MCF2L: variants seen among roughly 807,000 people sequenced by gnomAD.
MCF2L encodes MCF.2 cell line derived transforming sequence like, also known as guanine nucleotide exchange factor DBS.
In MCF2L, 97 loss-of-function variants were observed where a neutral mutation model predicts 153.4. The observed-to-expected ratio is 0.63, with a 90% CI of 0.54 to 0.75. The LOEUF is 0.75. MCF2L is among the 30% of genes least tolerant of loss of function. MCF2L has a pLI of 0.00. For missense variants in MCF2L, 1,347 were observed against 1,495.2 expected, an observed-to-expected ratio of 0.90 and a Z score of 1.64; for synonymous variants, 659 against 632.2, an observed-to-expected ratio of 1.04 and a Z score of -0.64.
At chr13:112,914,900 A>T (rs2081274963) in intron 2 of MCF2L, among the ~76,000 whole-genome samples, 1 of 151,452 alleles carries the variant, frequency 6.6e-6, no homozygotes, top group African/African-American at 2.4e-5. Flanking sequence ...CACTTAAAAT[A>T]TGTAGTTGAA....
Position 113,089,726 on chromosome 13 carries a change from A to C in MCF2L, c.2951A>C (p.Lys984Thr). The C allele has an allele frequency of 6.2e-7, 1 of 1,613,430 alleles. No homozygotes were observed. Among genetic ancestry groups the C allele is most frequent in the Non-Finnish European group, 8.5e-7 (1 of 1,179,666 alleles). ...APLTKPPEKG[K>T]GWSKTSHSLE... Reference sequence around the variant, plus strand: ...CTGACAAAGCCCCCCGAAAAGGGCAAAGGTGGGTATGTGCAGGGACCGGGC... The same window carrying C: ...CTGACAAAGCCCCCCGAAAAGGGCACAGGTGGGTATGTGCAGGGACCGGGC... Residue 984 changes from lysine (K) to threonine (T), a missense_variant and splice_region_variant, in exon 26 of 30, where the codon AAA becomes ACA. Around this residue, in one of 3 missense-constraint regions of MCF2L, gnomAD observed 383 missense variants for 335.4 expected, o/e 1.14. Transcript: ENST00000535094.
chr13:113,059,591 A>G (rs4907581), intron 4 of MCF2L, among the ~76,000 whole-genome samples: 116,830 of 152,206 alleles, frequency 0.77, 45,288 homozygotes, highest in African/African-American at 0.82. Context: ...GAGAGCAACC[A>G]TCACTGCACG....
chr13:113,050,685 CT>C (rs2087201776), intron 4 of MCF2L, among the ~76,000 whole-genome samples: 1 of 60,470 alleles, frequency 1.7e-5, no homozygotes, highest in African/African-American at 8.7e-5. Flanking sequence ...GGGGGGGTGG[CT>C]GGGGGAGCGG....
At chr13:112,918,864 G>A (rs1330877774) in intron 2 of MCF2L, among the ~76,000 whole-genome samples, 1 of 152,148 alleles carries the variant, frequency 6.6e-6, no homozygotes, top group African/African-American at 2.4e-5. Flanking sequence ...TCCCAGTGCA[G>A]GAGCTGAGGC....
intron 2 of MCF2L, among the ~76,000 whole-genome samples, chr13:112,925,090 G>A (rs1316305644): frequency 6.6e-6 from 1 of 152,200 alleles, no homozygotes; most frequent in Non-Finnish European, 1.5e-5. Context: ...AGATGGACCT[G>A]TGATTTAAAT....
chr13:113,087,971 T>C (rs1462442642), intron 23 of MCF2L, among the ~76,000 whole-genome samples, 172 bp downstream of exon 23: 2 of 152,170 alleles, frequency 1.3e-5, no homozygotes, highest in Non-Finnish European at 2.9e-5. Context: ...GAATGAAATG[T>C]GGGGAAAAGT....
At chr13:112,913,988 G>A (rs1020347867) in intron 2 of MCF2L, among the ~76,000 whole-genome samples, 17 of 152,232 alleles carry the variant, frequency 1.1e-4, no homozygotes, top group Non-Finnish European at 1.6e-4. Flanking sequence ...ACTCCTTAGC[G>A]TTGCGTTGGG....
chr13:112,917,021 C>T (rs141546261), intron 2 of MCF2L: 66 of 466,860 alleles, frequency 1.4e-4, no homozygotes, highest in Admixed American at 4.5e-4. Flanking sequence ...CCTCCCTCAT[C>T]GCCAAGTCTG....
intron 2 of MCF2L, chr13:112,917,527 G>A (rs1231634851): frequency 3.5e-6 from 1 of 289,066 alleles, no homozygotes; most frequent in Non-Finnish European, 6.8e-6. Context: ...TCTCGAAGGT[G>A]AGTGCGGGCC....
chr13:112,947,555 G>C (rs2081650516), intron 2 of MCF2L, among the ~76,000 whole-genome samples: 2 of 152,234 alleles, frequency 1.3e-5, no homozygotes, highest in African/African-American at 4.8e-5. Flanking sequence ...AAATAGGCAA[G>C]AGGGAGTAAC....
chr13:112,930,582 T>C (rs942494957), intron 2 of MCF2L, among the ~76,000 whole-genome samples: 2 of 152,214 alleles, frequency 1.3e-5, no homozygotes, highest in African/African-American at 2.4e-5. Flanking sequence ...GTGAAACTAC[T>C]GTATATGATA....
chr13:113,025,588 C>A (rs112330494), intron 3 of MCF2L, among the ~76,000 whole-genome samples: 387 of 56,292 alleles, frequency 6.9e-3, no homozygotes, highest in South Asian at 0.027. Context: ...ATGGTGGGGT[C>A]CCCGTGACTG....
intron 1 of MCF2L, among the ~76,000 whole-genome samples, chr13:112,988,807 G>C (rs34817838): frequency 5.5e-4 from 18 of 32,496 alleles, no homozygotes; most frequent in Admixed American, 1.5e-3. Context: ...GATGGGCTAC[G>C]ACACTGGAGT....
intron 2 of MCF2L, among the ~76,000 whole-genome samples, chr13:112,964,066 G>A (rs2081864055): frequency 6.7e-6 from 1 of 149,856 alleles, no homozygotes; most frequent in East Asian, 2.0e-4. Context: ...GGAGGAGACG[G>A]CGTCCACTTG....
rs902772612 is a variant in MCF2L at position 112,944,637 on chromosome 13, C to T, written c.169+42266C>T. 3.3e-5 allele frequency among the ~76,000 whole-genome samples: 5 copies of T among 149,790 alleles called. No homozygotes were observed. The East Asian group carries it at 9.9e-4, about 30-fold the overall frequency. On this transcript the variant is annotated intron_variant, in intron 2 of 29. Coordinates refer to the MCF2L transcript ENST00000375608. Reference sequence around the variant, plus strand: ...CCCAGGCTGGAGTGCAGTGGCGCAACCTCGGCTCACGGCTAATTTTTTGTA... The same window carrying T: ...CCCAGGCTGGAGTGCAGTGGCGCAATCTCGGCTCACGGCTAATTTTTTGTA...
chr13:113,084,561 T>C, intron 18 of MCF2L: 1 of 399,514 alleles, frequency 2.5e-6, no homozygotes, highest in Admixed American at 4.2e-5. Flanking sequence ...CTAGAAGTTC[T>C]ATTATATAAA....
intron 27 of MCF2L, 47 bp downstream of exon 27, chr13:113,094,682 G>A (rs367897957): frequency 3.2e-5 from 50 of 1,574,062 alleles, no homozygotes; most frequent in African/African-American, 3.1e-4. Context: ...GCTGCCCTCC[G>A]GGGATTAGGG....
Position 113,046,018 on chromosome 13 carries a change from C to T in MCF2L, c.369+657C>T, listed in dbSNP as rs1287076897. ...CTTTCCAAGGACTTTCCCTTGGCATCCGAGAGTCTGTTTGCAGATTCTGCA... is the reference window on the plus strand; with the variant it reads ...CTTTCCAAGGACTTTCCCTTGGCATTCGAGAGTCTGTTTGCAGATTCTGCA... On this transcript the variant is annotated intron_variant, in intron 4 of 29. Transcript: ENST00000535094. This position sits in a 1 kb window ranked among gnomAD's most constrained non-coding sequence, Gnocchi z 4.4. The T allele has an allele frequency of 6.4e-6, 1 of 155,780 alleles. No individual in the cohort carries two copies. Among genetic ancestry groups the T allele is most frequent in the East Asian group, 1.9e-4 (1 of 5,272 alleles). The allele number at this position is 155,780 out of a possible 1,614,324, so 9.6% of individuals were successfully genotyped here. A position where few individuals can be genotyped will look rare whatever the true frequency, so the allele number is the denominator to read the frequency against.
At position 113,096,814 on chromosome 13, in the gene MCF2L, C is replaced by A; in HGVS notation, c.3333C>A (p.Ser1111Arg). The A allele has an allele frequency of 6.5e-7, 1 of 1,544,120 alleles. No individual in the cohort carries two copies. Among genetic ancestry groups the A allele is most frequent in the South Asian group, 1.2e-5 (1 of 84,482 alleles). ...PGSAVLSNSS[S>R]CSEGGQAPFS... ...CGGCCGTGCTGAGCAACTCGTCCAG[C>A]TGCAGCGAGGGCGGCCAGGCCCCCT... Residue 1111 changes from serine (S) to arginine (R), a missense_variant, in exon 30 of 30, where the codon AGC (serine) becomes AGA (arginine). This residue lies in a region of MCF2L where 383 missense variants were observed against 335.4 expected (regional missense o/e 1.14). Transcript: ENST00000535094.
Sources: allele counts gnomAD v4.1 joint callset (sites outside exome capture counted in the v4.1 genomes callset), GRCh38; gene constraint gnomAD v4.1.1; regional missense constraint gnomAD v4.1.1; non-coding constraint Gnocchi (gnomAD v3.1); transcripts MANE v1.5; gene names NCBI Gene and HGNC (gene_info 2026-07-23, HGNC 2026-07-21).